The following ASAP2 variants were observed in gnomAD, a reference collection of about 807,000 sequenced individuals.
The protein encoded by ASAP2 is arf-GAP with SH3 domain, ANK repeat and PH domain-containing protein 2.
Under a neutral mutation model 131.4 loss-of-function variants are expected in ASAP2, and 45 were observed. The ratio of observed to expected loss-of-function variants is 0.34; its 90% confidence interval spans 0.27 to 0.44. The LOEUF is 0.44. Among genes scored for constraint, ASAP2 ranks in the 20% least tolerant of loss-of-function variants. ASAP2 has a pLI of 1.00. For missense variants in ASAP2, 1,011 were observed against 1,297.0 expected, an observed-to-expected ratio of 0.78 and a Z score of 3.39; for synonymous variants, 510 against 503.0, an observed-to-expected ratio of 1.01 and a Z score of -0.19.
At chr2:9,258,066 A>G (rs566686810) in intron 1 of ASAP2, among the ~76,000 whole-genome samples, 2 of 152,178 alleles carry the variant, frequency 1.3e-5, no homozygotes, top group African/African-American at 4.8e-5. Context: ...CAGTGCTGGT[A>G]TCATCACATT....
chr2:9,317,785 C>G lies in ASAP2; in HGVS notation c.346-739C>G, dbSNP rs368641997. Among the ~76,000 whole-genome samples the G allele has an allele frequency of 5.6e-3, 846 of 150,046 alleles. 4 individuals carry two copies. Among genetic ancestry groups the G allele is most frequent in the African/African-American group, 0.019 (789 of 40,924 alleles). On this transcript the variant is annotated intron_variant, in intron 3 of 27. Coordinates refer to ENST00000281419, the MANE Select transcript of ASAP2 (RefSeq NM_003887.3). ...GTACACAATCACACCCTCACACACC[C>G]ATACACAATCGCATTCACACACTCA...
At chr2:9,230,257 T>C (rs1663062444) in intron 1 of ASAP2, among the ~76,000 whole-genome samples, 1 of 152,168 alleles carries the variant, frequency 6.6e-6, no homozygotes, top group South Asian at 2.1e-4. Flanking sequence ...AGTCATAACC[T>C]TCAGGAGTGA....
rs1023918091 is a variant in ASAP2, at chr2:9,392,309, T to C, written c.2518+1113T>C. ...GAGAAGCGAGCCCTGGATGCTGCCC[T>C]GTCTCCTGCTGCAGCAGCCCTGGAG... On this transcript the variant is annotated intron_variant, in intron 23 of 27. Coordinates refer to ENST00000281419, the MANE Select transcript of ASAP2 (RefSeq NM_003887.3). The surrounding 1 kb of genome is among the most constrained non-coding windows in gnomAD (Gnocchi z 4.0). Among the ~76,000 whole-genome samples the C allele has an allele frequency of 6.6e-5, 10 of 152,260 alleles. No individual in the cohort carries two copies. Among genetic ancestry groups the C allele is most frequent in the African/African-American group, 1.9e-4 (8 of 41,474 alleles).
chr2:9,250,562 T>C (rs1339296043), intron 1 of ASAP2, among the ~76,000 whole-genome samples: 1 of 147,258 alleles, frequency 6.8e-6, no homozygotes, highest in Admixed American at 6.7e-5. Context: ...ACAGGGCACA[T>C]TGCACGGCCC....
intron 1 of ASAP2, among the ~76,000 whole-genome samples, chr2:9,264,380 C>T (rs902236930): frequency 6.6e-6 from 1 of 152,152 alleles, no homozygotes; most frequent in Admixed American, 6.5e-5. Flanking sequence ...TCCCCTTCCC[C>T]ATCAGGAACC....
chr2:9,273,821 A>C (rs1156278332), intron 1 of ASAP2, among the ~76,000 whole-genome samples: 1 of 152,226 alleles, frequency 6.6e-6, no homozygotes, highest in East Asian at 1.9e-4. Flanking sequence ...GTTTTACAAT[A>C]GTGATGTTAT....
At position 9,368,430 on chromosome 2, in the gene ASAP2, C is replaced by A; in HGVS notation, c.1467C>A (p.Ala489=). ...ATAGACTTTCATTTTTGCAGCTCGC[C>A]AAGAATATTGGGAATGCAGGCTTTA... ...DVLGTSELLL[A]KNIGNAGFNE... The change falls in exon 16 of 28, where the codon GCC becomes GCA. Residue 489 remains alanine (A), a synonymous_variant. Coordinates refer to ENST00000281419, the MANE Select transcript of ASAP2 (RefSeq NM_003887.3). The A allele has an allele frequency of 6.2e-7, 1 of 1,613,940 alleles. No individual in the cohort carries two copies.
At chr2:9,355,167 T>C (rs1031144059) in intron 12 of ASAP2, among the ~76,000 whole-genome samples, 3 of 152,308 alleles carry the variant, frequency 2.0e-5, no homozygotes, top group African/African-American at 7.2e-5. Context: ...TAACTAAAAA[T>C]CTTACTCAGA....
chr2:9,270,824 G>A (rs1317470777), intron 1 of ASAP2, among the ~76,000 whole-genome samples: 3 of 74,182 alleles, frequency 4.0e-5, no homozygotes, highest in Non-Finnish European at 8.4e-5. Context: ...ACGGAGTCTC[G>A]CTCCGTCGCC....
At chr2:9,254,609 A>G (rs1394667910) in intron 1 of ASAP2, among the ~76,000 whole-genome samples, 1 of 145,476 alleles carries the variant, frequency 6.9e-6, no homozygotes, top group Non-Finnish European at 1.5e-5. Flanking sequence ...CCTGACCCCA[A>G]GTGATCTACC....
chr2:9,266,308 G>A (rs1665947180), intron 1 of ASAP2, among the ~76,000 whole-genome samples: 1 of 151,842 alleles, frequency 6.6e-6, no homozygotes. Context: ...CACCACACCC[G>A]GCTAATTTTT....
chr2:9,365,197 G>A (rs1673373079), intron 15 of ASAP2, among the ~76,000 whole-genome samples: 1 of 152,156 alleles, frequency 6.6e-6, no homozygotes. Flanking sequence ...GTCCTTTTGT[G>A]CTCTTTGCTT....
At chr2:9,214,218 G>A (rs1184645288) in intron 1 of ASAP2, among the ~76,000 whole-genome samples, 3 of 152,116 alleles carry the variant, frequency 2.0e-5, no homozygotes, top group African/African-American at 7.2e-5. Context: ...GCCCTTCCAG[G>A]TACTTTTTTT....
At chr2:9,225,906 C>T (rs1402999782) in intron 1 of ASAP2, among the ~76,000 whole-genome samples, 8 of 152,214 alleles carry the variant, frequency 5.3e-5, no homozygotes, top group Non-Finnish European at 5.9e-5. Flanking sequence ...GGCCGGCCTT[C>T]CCCCTTCCCT....
At chr2:9,301,755 T>C (rs1450342911) in intron 3 of ASAP2, among the ~76,000 whole-genome samples, 1 of 151,564 alleles carries the variant, frequency 6.6e-6, no homozygotes, top group Non-Finnish European at 1.5e-5. Context: ...GGCTAAGGAG[T>C]TTTCCCTCAC....
rs1454345864 is a variant in ASAP2, at chr2:9,403,386, C to T, written c.*59C>T. ...TCCTGTTTCGTTATTGGTACCAAAA[C>T]TCTTGCCAGATAACCAGTTTCATGA... On this transcript the variant is annotated 3_prime_UTR_variant, in exon 28 of 28. Transcript: ENST00000281419. The T allele has an allele frequency of 1.2e-5, 19 of 1,528,668 alleles. No individual in the cohort carries two copies. The highest frequency in any genetic ancestry group is 1.5e-5 in the Non-Finnish European group (17 of 1,105,934). 94.7% of individuals were successfully genotyped at this position (1,528,668 alleles called of 1,614,324 possible).
Position 9,275,082 on chromosome 2 carries a change from G to GTT in ASAP2, c.127-4220_127-4219dup, listed in dbSNP as rs753527243. Among the ~76,000 whole-genome samples the GTT allele has an allele frequency of 4.3e-3, 553 of 128,810 alleles. 5 individuals carry two copies. The highest frequency in any genetic ancestry group is 0.014 in the African/African-American group (477 of 34,216). 84.5% of individuals were successfully genotyped at this position (128,810 alleles called of 152,430 possible). On this transcript the variant is annotated intron_variant, in intron 1 of 27. Coordinates refer to ENST00000281419, the MANE Select transcript of ASAP2 (RefSeq NM_003887.3). ...CCATGTTTTGTTTTTTCATTTGTCT[G>GTT]TTTTTTTTTTTTTTTTAAGAGACAG... is the stretch of plus-strand genomic sequence containing the variant.
chr2:9,235,763 G>A (rs1663507582), intron 1 of ASAP2, among the ~76,000 whole-genome samples: 1 of 152,218 alleles, frequency 6.6e-6, no homozygotes. Flanking sequence ...GTAAGAAGTG[G>A]TCAGGCTGCT....
rs962767138 is a variant in ASAP2 at position 9,217,121 on chromosome 2, A to G, written c.126+9891A>G. Reference sequence around the variant, plus strand: ...ACCAGAGTCTGCTATTTCTTTTAGCAGCCAACAGCCTCTGTAGAGCCCGTG... The same window carrying G: ...ACCAGAGTCTGCTATTTCTTTTAGCGGCCAACAGCCTCTGTAGAGCCCGTG... On this transcript the variant is annotated intron_variant, in intron 1 of 27. Coordinates refer to ENST00000281419, the MANE Select transcript of ASAP2 (RefSeq NM_003887.3). The surrounding 1 kb of genome is among the most constrained non-coding windows in gnomAD (Gnocchi z 4.0). Among the ~76,000 whole-genome samples the G allele has an allele frequency of 3.9e-5, 6 of 152,182 alleles. No individual in the cohort carries two copies. The highest frequency in any genetic ancestry group is 1.4e-4 in the African/African-American group (6 of 41,428).
Sources: allele counts gnomAD v4.1 joint callset (sites outside exome capture counted in the v4.1 genomes callset), GRCh38; gene constraint gnomAD v4.1.1; non-coding constraint Gnocchi (gnomAD v3.1); transcripts MANE v1.5; gene names NCBI Gene and HGNC (gene_info 2026-07-23, HGNC 2026-07-21).